The following PIK3C2G variants were observed in gnomAD, a reference collection of about 807,000 sequenced individuals.
PIK3C2G encodes the protein phosphatidylinositol 3-kinase C2 domain-containing subunit gamma.
A neutral mutation model predicts 181.1 loss-of-function variants in PIK3C2G; 168 were observed. The ratio of observed to expected loss-of-function variants is 0.93; its 90% CI spans 0.82 to 1.05. The LOEUF (loss-of-function observed/expected upper bound fraction) is 1.05. Among genes scored for constraint, PIK3C2G ranks in the 50% least tolerant of loss-of-function variants. The pLI, the probability that PIK3C2G is intolerant of heterozygous loss-of-function variation, is 0.00. For synonymous variants in PIK3C2G, 573 were observed against 592.2 expected (o/e 0.97, Z 0.47); for missense variants, 1,869 against 1,732.8 (o/e 1.08, Z -1.40).
At chr12:18,296,396 C>T (rs1471980557) in intron 5 of PIK3C2G, among the ~76,000 whole-genome samples, 1 of 152,010 alleles carries the variant, frequency 6.6e-6, no homozygotes, top group Non-Finnish European at 1.5e-5. Flanking sequence ...CTGGTGATGC[C>T]TATGCTGCCG....
chr12:18,399,816 C>A lies in PIK3C2G; in HGVS notation c.2284C>A (p.Pro762Thr), dbSNP rs752553798. The A allele has an allele frequency of 1.3e-6, 2 of 1,598,908 alleles. No individual in the cohort carries two copies. The highest frequency in any genetic ancestry group is 3.3e-5 in the Admixed American group (2 of 59,732). ...TILRRWTFSQ[P>T]LEALGLLTSS... Reference sequence around the variant, plus strand: ...TTTGAGAAGATGGACATTTTCTCAACCTTTAGAGGCTCTTGGGCTTTTGAC... The same window carrying A: ...TTTGAGAAGATGGACATTTTCTCAAACTTTAGAGGCTCTTGGGCTTTTGAC... Residue 762 changes from proline (P) to threonine (T), a missense_variant, in exon 16 of 33, where the codon CCT becomes ACT. Pro to Thr is a conservative substitution (Grantham distance 38, BLOSUM62 -1). Coordinates refer to ENST00000538779, the MANE Select transcript of PIK3C2G (RefSeq NM_001288772.2).
chr12:18,436,274 A>AT (rs1946443140), intron 18 of PIK3C2G, among the ~76,000 whole-genome samples: 1 of 152,174 alleles, frequency 6.6e-6, no homozygotes, highest in African/African-American at 2.4e-5. Flanking sequence ...AAATTTTTCC[A>AT]TAAACCCCAA....
chr12:18,712,829 GAT>G, the PIK3C2G span: 1 of 1,612,954 alleles, frequency 6.2e-7, no homozygotes, highest in South Asian at 1.1e-5. Flanking sequence ...GTTGAACAAA[GAT>G]ATGTACATAC....
At chr12:18,423,811 T>A in intron 17 of PIK3C2G, 134 bp from the exon 18 acceptor site, 1 of 623,636 alleles carries the variant, frequency 1.6e-6, no homozygotes, top group East Asian at 2.8e-5. Context: ...CATAAAATCA[T>A]CGAATGTGTT....
chr12:18,513,113 T>C (rs531994418), intron 24 of PIK3C2G, among the ~76,000 whole-genome samples: 6 of 151,992 alleles, frequency 3.9e-5, no homozygotes, highest in African/African-American at 1.4e-4. Flanking sequence ...TCTGGGTATG[T>C]TGAACCATCC....
At chr12:18,488,080 C>CA (rs1940226376) in intron 18 of PIK3C2G, among the ~76,000 whole-genome samples, 1 of 152,060 alleles carries the variant, frequency 6.6e-6, no homozygotes, top group Non-Finnish European at 1.5e-5. Flanking sequence ...TTTGAGTCTC[C>CA]ATATAGTACA....
chr12:18,361,691 T>C (rs1941250082), intron 11 of PIK3C2G, among the ~76,000 whole-genome samples: 2 of 152,208 alleles, frequency 1.3e-5, no homozygotes, highest in Non-Finnish European at 2.9e-5. Context: ...TCTTGCTTTT[T>C]CTGGTGTCTG....
At position 18,303,944 on chromosome 12, in the gene PIK3C2G, T is replaced by TA. The variant is rs751041491; in HGVS notation, c.1034+9939dup. Among the ~76,000 whole-genome samples the TA allele has an allele frequency of 3.2e-4, 48 of 148,222 alleles. 1 individual carries two copies. The highest frequency in any genetic ancestry group is 6.1e-4 in the Admixed American group (9 of 14,838). On this transcript the variant is annotated intron_variant, in intron 5 of 32. Coordinates refer to ENST00000538779, the MANE Select transcript of PIK3C2G (RefSeq NM_001288772.2). ...GAATTGAGTGCTGAAAACATATTCT[T>TA]AAAAAAAAAAGAAATTCTACAGTAA...
upstream of PIK3C2G, among the ~76,000 whole-genome samples, chr12:18,261,138 C>T (rs974067239): frequency 5.3e-5 from 8 of 152,238 alleles, no homozygotes; most frequent in Middle Eastern, 3.4e-3. Context: ...CACCTCTGCT[C>T]CTGCAAATTG....
At chr12:18,343,066 C>A (rs1939288842) in intron 9 of PIK3C2G, among the ~76,000 whole-genome samples, 1 of 151,950 alleles carries the variant, frequency 6.6e-6, no homozygotes. Context: ...GAGGATTGAG[C>A]TTAGACAATC....
At chr12:18,582,034 G>C (rs1396959772) in intron 29 of PIK3C2G, among the ~76,000 whole-genome samples, 1 of 152,146 alleles carries the variant, frequency 6.6e-6, no homozygotes, top group Non-Finnish European at 1.5e-5. Context: ...GTCAAAAATT[G>C]AGAATTGACC....
chr12:18,384,285 T>A (rs929953566), intron 14 of PIK3C2G, among the ~76,000 whole-genome samples: 3 of 152,074 alleles, frequency 2.0e-5, no homozygotes, highest in African/African-American at 4.8e-5. Context: ...GAAACTTGAG[T>A]TCCTGAGTTC....
chr12:18,607,701 G>C (rs184328323), intron 30 of PIK3C2G, among the ~76,000 whole-genome samples: 30 of 152,196 alleles, frequency 2.0e-4, no homozygotes, highest in African/African-American at 7.0e-4. Flanking sequence ...TGGCAAATGG[G>C]ATCTAATTAA....
the PIK3C2G span, among the ~76,000 whole-genome samples, chr12:18,670,143 A>G: frequency 2.6e-5 from 4 of 152,202 alleles, no homozygotes; most frequent in Non-Finnish European, 5.9e-5. Context: ...TCCATTCACA[A>G]CAGATATCAG....
intron 18 of PIK3C2G, among the ~76,000 whole-genome samples, chr12:18,478,284 T>A (rs1939205249): frequency 6.6e-6 from 1 of 152,170 alleles, no homozygotes; most frequent in Non-Finnish European, 1.5e-5. Flanking sequence ...TTACAGCACA[T>A]GTGCTGATGT....
chr12:18,674,092 A>G, the PIK3C2G span, among the ~76,000 whole-genome samples: 1 of 152,234 alleles, frequency 6.6e-6, no homozygotes, highest in Non-Finnish European at 1.5e-5. Context: ...GTCTACCACA[A>G]CTGTGAAGAA....
chr12:18,703,430 T>C, the PIK3C2G span, among the ~76,000 whole-genome samples: 3 of 152,222 alleles, frequency 2.0e-5, no homozygotes, highest in Non-Finnish European at 4.4e-5. Context: ...AGTTCAGCCC[T>C]GGAAACTTAG....
intron 3 of PIK3C2G, among the ~76,000 whole-genome samples, chr12:18,290,112 A>AAT (rs1327909795): frequency 2.0e-5 from 3 of 152,164 alleles, no homozygotes; most frequent in African/African-American, 7.2e-5. Flanking sequence ...GGTAGATATT[A>AAT]ATATCCACCT....
chr12:18,396,532 A>C (rs1366499438), intron 15 of PIK3C2G, among the ~76,000 whole-genome samples: 1 of 151,698 alleles, frequency 6.6e-6, no homozygotes, highest in Non-Finnish European at 1.5e-5. Flanking sequence ...AAAAAAAATT[A>C]AGGTAAAAAT....
Sources: gnomAD v4.1 joint callset for allele counts (sites outside exome capture counted in the v4.1 genomes callset) on GRCh38, gnomAD v4.1.1 for gene constraint, MANE v1.5 for transcripts, NCBI Gene and HGNC (gene_info 2026-07-23, HGNC 2026-07-21) for gene names.